INPP4B: variants seen among roughly 807,000 people sequenced by gnomAD.
The protein encoded by INPP4B is inositol polyphosphate-4-phosphatase type II B.
INPP4B carries 55 observed loss-of-function variants against 122.5 expected under a neutral mutation model. That is an observed-to-expected ratio of 0.45 (90% confidence interval 0.36 to 0.56). INPP4B has a LOEUF of 0.56. Ranked by LOEUF, INPP4B falls within the 20% of genes least tolerant of loss-of-function variation. The probability of loss-of-function intolerance (pLI) is 0.00; values close to 1 mark genes in which losing one functional copy is unlikely to be tolerated. For synonymous variants in INPP4B, 403 were observed against 388.7 expected, an observed-to-expected ratio of 1.04 and a Z score of -0.43; for missense variants, 1,000 against 1,097.7, an observed-to-expected ratio of 0.91 and a Z score of 1.26.
At chr4:142,369,264 T>TC (rs1788798394) in intron 7 of INPP4B, among the ~76,000 whole-genome samples, 1 of 151,924 alleles carries the variant, frequency 6.6e-6, no homozygotes, top group East Asian at 1.9e-4. Context: ...AGAGGCTTCA[T>TC]CCCCCCATAT....
At chr4:142,058,512 C>T (rs3775612) in intron 25 of INPP4B, among the ~76,000 whole-genome samples, 123,509 of 151,980 alleles carry the variant, frequency 0.81, 52,370 homozygotes, top group Non-Finnish European at 0.92. Flanking sequence ...TCCAAAAGCA[C>T]ACAGTAGTAC....
intron 2 of INPP4B, among the ~76,000 whole-genome samples, chr4:142,575,775 T>C (rs1733696129): frequency 6.6e-6 from 1 of 151,954 alleles, no homozygotes; most frequent in Admixed American, 6.6e-5. Flanking sequence ...AAACCAGAAG[T>C]AGTACAAATA....
rs1342748072 is a variant in INPP4B at position 142,481,926 on chromosome 4, T to C, written c.-190-19200A>G. Among the ~76,000 whole-genome samples the C allele has an allele frequency of 2.0e-5, 3 of 152,288 alleles. No individual in the cohort carries two copies. The East Asian group carries it at 5.8e-4, about 29-fold the overall frequency. On this transcript the variant is annotated intron_variant, in intron 2 of 25. Transcript: ENST00000262992. Reference sequence around the variant, plus strand: ...ATAGCCATAAGTGGCTGGTGGCTAATTTATTGGACAATGCAGCTATAGAAT... The same window carrying C: ...ATAGCCATAAGTGGCTGGTGGCTAACTTATTGGACAATGCAGCTATAGAAT...
chr4:142,664,160 G>A (rs953572872), intron 2 of INPP4B, among the ~76,000 whole-genome samples: 3 of 152,096 alleles, frequency 2.0e-5, no homozygotes, highest in Non-Finnish European at 2.9e-5. Flanking sequence ...AGTAAGAGAG[G>A]CATCTTATAG....
intron 3 of INPP4B, among the ~76,000 whole-genome samples, chr4:142,450,294 A>G (rs1044889929): frequency 6.6e-6 from 1 of 152,222 alleles, no homozygotes; most frequent in African/African-American, 2.4e-5. Context: ...CAGTTAGAGC[A>G]CAGCTCACAA....
At chr4:142,276,049 C>T (rs1023894899) in intron 9 of INPP4B, among the ~76,000 whole-genome samples, 3 of 151,700 alleles carry the variant, frequency 2.0e-5, no homozygotes, top group African/African-American at 7.3e-5. Context: ...AAATATTCCT[C>T]CTCTACCTCT....
intron 2 of INPP4B, among the ~76,000 whole-genome samples, chr4:142,609,151 T>A (rs1296545532): frequency 1.3e-5 from 2 of 151,926 alleles, no homozygotes; most frequent in African/African-American, 4.8e-5. Flanking sequence ...GATTCCCTGC[T>A]TACAGCTCCG....
Position 142,028,184 on chromosome 4 carries a change from T to C in INPP4B, c.*598A>G, listed in dbSNP as rs928872472. ...GACCACTTTACTCACTCCATGCATA[T>C]GCCTGTTGCAAGGGAGGAGTCACAC... On this transcript the variant is annotated 3_prime_UTR_variant, in exon 26 of 26. Coordinates refer to ENST00000262992, the MANE Select transcript of INPP4B (RefSeq NM_001101669.3). 4 of 229,120 alleles carry C rather than the reference T, an allele frequency of 1.7e-5. No individual in the cohort carries two copies. The highest frequency in any genetic ancestry group is 5.7e-5 in the Admixed American group (1 of 17,652). 14.2% of individuals were successfully genotyped at this position (229,120 alleles called of 1,614,324 possible). A position where few individuals can be genotyped will look rare whatever the true frequency, so the allele number is the denominator to read the frequency against.
intron 2 of INPP4B, among the ~76,000 whole-genome samples, chr4:142,711,673 A>G (rs1195825621): frequency 4.6e-5 from 7 of 152,120 alleles, no homozygotes; most frequent in Admixed American, 3.3e-4. Context: ...TTGCCAGTGT[A>G]TTAGTATTAA....
chr4:142,625,833 C>T (rs961648303), intron 2 of INPP4B, among the ~76,000 whole-genome samples: 7 of 151,942 alleles, frequency 4.6e-5, no homozygotes, highest in African/African-American at 1.7e-4. Flanking sequence ...ATGCCGCATA[C>T]CTACAACTAT....
intron 1 of INPP4B, among the ~76,000 whole-genome samples, chr4:142,728,680 A>C (rs1765659108): frequency 6.6e-6 from 1 of 152,140 alleles, no homozygotes. Flanking sequence ...TAAATCTACA[A>C]GCTAAGGAAT....
At chr4:142,093,538 T>C (rs776283917) in intron 23 of INPP4B, among the ~76,000 whole-genome samples, 2 of 152,202 alleles carry the variant, frequency 1.3e-5, no homozygotes, top group Non-Finnish European at 2.9e-5. Flanking sequence ...CTGCCTACTC[T>C]GGTGAGTACT....
rs186847122 is a variant in INPP4B, at chr4:142,825,038, A to G, written c.-254+21171T>C. On this transcript the variant is annotated intron_variant, in intron 1 of 25. Coordinates refer to ENST00000262992, the MANE Select transcript of INPP4B (RefSeq NM_001101669.3). ...TTGTGAAATAGCACTGCATCCTTGGATTTGTGTGCTAGTTCTCACTGATGA... is the reference window on the plus strand; with the variant it reads ...TTGTGAAATAGCACTGCATCCTTGGGTTTGTGTGCTAGTTCTCACTGATGA... Among the ~76,000 whole-genome samples the G allele has an allele frequency of 2.1e-3, 323 of 152,242 alleles. 3 individuals carry two copies. The highest frequency in any genetic ancestry group is 3.5e-3 in the Non-Finnish European group (240 of 67,994).
intron 9 of INPP4B, among the ~76,000 whole-genome samples, chr4:142,296,531 C>T (rs1758766299): frequency 6.6e-6 from 1 of 152,196 alleles, no homozygotes; most frequent in African/African-American, 2.4e-5. Flanking sequence ...TAATAGCTAA[C>T]ATTTATCAAG....
At chr4:142,059,064 C>G (rs1402084920) in intron 25 of INPP4B, among the ~76,000 whole-genome samples, 2 of 152,094 alleles carry the variant, frequency 1.3e-5, no homozygotes, top group Non-Finnish European at 2.9e-5. Context: ...TATTTAGTCA[C>G]TTTTCTAGTT....
intron 11 of INPP4B, among the ~76,000 whole-genome samples, chr4:142,257,461 G>A (rs1736895304): frequency 6.6e-6 from 1 of 152,066 alleles, no homozygotes; most frequent in South Asian, 2.1e-4. Flanking sequence ...AAACCCCATG[G>A]TCTCAGCCCA....
chr4:142,211,282 A>C (rs979190241), intron 12 of INPP4B, among the ~76,000 whole-genome samples: 2 of 152,204 alleles, frequency 1.3e-5, no homozygotes, highest in African/African-American at 4.8e-5. Context: ...ATTTCATTAA[A>C]GTAAAGAAGA....
chr4:142,051,187 C>T (rs959095080), intron 25 of INPP4B, among the ~76,000 whole-genome samples: 2 of 152,048 alleles, frequency 1.3e-5, no homozygotes, highest in Non-Finnish European at 1.5e-5. Context: ...TATAAAAGAA[C>T]ATTAATCCTC....
At chr4:142,694,591 A>AT (rs1760756764) in intron 2 of INPP4B, among the ~76,000 whole-genome samples, 2 of 152,198 alleles carry the variant, frequency 1.3e-5, no homozygotes, top group African/African-American at 4.8e-5. Context: ...CTTCTGTAAT[A>AT]TTTTTTAGAA....
Sources: gnomAD v4.1 joint callset for allele counts (sites outside exome capture counted in the v4.1 genomes callset) on GRCh38, gnomAD v4.1.1 for gene constraint, MANE v1.5 for transcripts, NCBI Gene and HGNC (gene_info 2026-07-23, HGNC 2026-07-21) for gene names.